AFG2A: variants seen among roughly 807,000 people sequenced by gnomAD.
AFG2A encodes the protein ATPase family gene 2 protein homolog A.
At chr4:123,103,748 T>G in the AFG2A span, among the ~76,000 whole-genome samples, 1 of 152,160 alleles carries the variant, frequency 6.6e-6, no homozygotes, top group Non-Finnish European at 1.5e-5. Context: ...ACAACCCAAA[T>G]GTCTACCTAC....
the AFG2A span, among the ~76,000 whole-genome samples, chr4:123,053,400 A>G: frequency 6.6e-6 from 1 of 152,228 alleles, no homozygotes; most frequent in Non-Finnish European, 1.5e-5. Context: ...TGTGCCTTTC[A>G]GCATATTTCT....
At chr4:123,117,251 C>A in the AFG2A span, among the ~76,000 whole-genome samples, 1 of 151,704 alleles carries the variant, frequency 6.6e-6, no homozygotes, top group Non-Finnish European at 1.5e-5. Flanking sequence ...CATAAAGGAG[C>A]TCTTGAACCT....
the AFG2A span, among the ~76,000 whole-genome samples, chr4:123,080,014 G>A: frequency 6.6e-6 from 1 of 152,026 alleles, no homozygotes; most frequent in Non-Finnish European, 1.5e-5. Flanking sequence ...CTCCCAAAGT[G>A]CTGAGATTAC....
chr4:122,943,594 G>T, the AFG2A span, among the ~76,000 whole-genome samples: 1 of 152,000 alleles, frequency 6.6e-6, no homozygotes, highest in Admixed American at 6.6e-5. Context: ...TATCCAGTTT[G>T]CCAGTCTGTG....
chr4:123,050,337 A>T, the AFG2A span, among the ~76,000 whole-genome samples: 1 of 150,288 alleles, frequency 6.7e-6, no homozygotes, highest in South Asian at 2.2e-4. Flanking sequence ...GTATAGTTTA[A>T]CTCCAATGTT....
chr4:123,229,194 A>T, the AFG2A span, among the ~76,000 whole-genome samples: 1 of 152,022 alleles, frequency 6.6e-6, no homozygotes, highest in Admixed American at 6.6e-5. Context: ...GTGCTGTGGA[A>T]GGACATTGGA....
At chr4:123,221,985 C>T in the AFG2A span, among the ~76,000 whole-genome samples, 2 of 152,028 alleles carry the variant, frequency 1.3e-5, no homozygotes, top group Non-Finnish European at 2.9e-5. Context: ...TTGAACAACA[C>T]TGATCTAAAG....
chr4:123,042,867 A>G, the AFG2A span, among the ~76,000 whole-genome samples: 1 of 152,226 alleles, frequency 6.6e-6, no homozygotes, highest in Admixed American at 6.5e-5. Flanking sequence ...CTAAATACAC[A>G]ATAAACTTTA....
At chr4:123,162,627 CAT>C in the AFG2A span, among the ~76,000 whole-genome samples, 1 of 152,078 alleles carries the variant, frequency 6.6e-6, no homozygotes, top group Admixed American at 6.5e-5. Flanking sequence ...TATAGAGAGA[CAT>C]ATCAGGAAGT....
the AFG2A span, among the ~76,000 whole-genome samples, chr4:123,184,532 CTTTTTTTTT>C: frequency 3.4e-5 from 3 of 89,276 alleles, no homozygotes; most frequent in Admixed American, 1.6e-4. Context: ...ATGATCATTT[CTTTTTTTTT>C]TTTTTTTTTT....
At chr4:123,016,571 G>A in the AFG2A span, among the ~76,000 whole-genome samples, 5 of 150,884 alleles carry the variant, frequency 3.3e-5, no homozygotes, top group Non-Finnish European at 4.4e-5. Context: ...GATGGCGGCC[G>A]GGTAGAGGTG....
chr4:123,183,786 G>T, the AFG2A span, among the ~76,000 whole-genome samples: 2 of 152,174 alleles, frequency 1.3e-5, no homozygotes, highest in Non-Finnish European at 2.9e-5. Context: ...TTGAGATAGG[G>T]TCTGGCTCTG....
chr4:123,085,253 C>A, the AFG2A span, among the ~76,000 whole-genome samples: 1 of 152,166 alleles, frequency 6.6e-6, no homozygotes, highest in African/African-American at 2.4e-5. Context: ...CAACTATGTT[C>A]TTATTGATTT....
the AFG2A span, among the ~76,000 whole-genome samples, chr4:123,282,602 C>T: frequency 6.6e-6 from 1 of 152,004 alleles, no homozygotes; most frequent in South Asian, 2.1e-4. Context: ...TTCCTTAGAT[C>T]ATTGTTACCC....
At chr4:123,071,143 A>C in the AFG2A span, among the ~76,000 whole-genome samples, 1 of 152,200 alleles carries the variant, frequency 6.6e-6, no homozygotes, top group African/African-American at 2.4e-5. Context: ...TTTTCAAAAA[A>C]TTGCTTTTGT....
the AFG2A span, among the ~76,000 whole-genome samples, chr4:122,937,073 C>T: frequency 1.3e-5 from 2 of 152,124 alleles, no homozygotes; most frequent in Non-Finnish European, 2.9e-5. Context: ...GATCACTGAG[C>T]TGGGAGATCA....
the AFG2A span, among the ~76,000 whole-genome samples, chr4:123,129,519 A>G: frequency 6.6e-6 from 1 of 152,166 alleles, no homozygotes; most frequent in Non-Finnish European, 1.5e-5. Flanking sequence ...AAAGAGAAAA[A>G]CTAACAGTCT....
the AFG2A span, among the ~76,000 whole-genome samples, chr4:123,062,545 C>T: frequency 2.0e-5 from 3 of 150,914 alleles, no homozygotes; most frequent in Admixed American, 2.0e-4. Flanking sequence ...TGAGCTCTTA[C>T]TATGTAAGAT....
At chr4:123,059,585 G>A in the AFG2A span, among the ~76,000 whole-genome samples, 1 of 151,500 alleles carries the variant, frequency 6.6e-6, no homozygotes, top group African/African-American at 2.4e-5. Context: ...CCAAGTCTTT[G>A]CTATTGTGAA....
Sources: gnomAD v4.1 joint callset for allele counts (sites outside exome capture counted in the v4.1 genomes callset) on GRCh38, gnomAD v4.1.1 for gene constraint, MANE v1.5 for transcripts, NCBI Gene and HGNC (gene_info 2026-07-23, HGNC 2026-07-21) for gene names.